MRPS28: variants seen among roughly 807,000 people sequenced by gnomAD.
MRPS28 encodes the protein small ribosomal subunit protein bS1m.
Under a neutral mutation model 10.8 loss-of-function variants are expected in MRPS28, and 7 were observed. That is an observed-to-expected ratio of 0.65 (90% CI 0.37 to 1.22). The LOEUF (loss-of-function observed/expected upper bound fraction) is 1.22, where lower values mean the gene tolerates loss of function less well. Among genes scored for constraint, MRPS28 ranks in the 50% most tolerant of loss-of-function variants. The probability of loss-of-function intolerance (pLI) is 0.02; values close to 1 mark genes in which losing one functional copy is unlikely to be tolerated. For synonymous variants in MRPS28, 121 were observed against 93.3 expected (o/e 1.30, Z -1.71); for missense variants, 265 against 232.9 (o/e 1.14, Z -0.90).
At chr8:79,921,153 C>A (rs1417446439) in intron 2 of MRPS28, among the ~76,000 whole-genome samples, 2 of 151,804 alleles carry the variant, frequency 1.3e-5, no homozygotes, top group African/African-American at 4.9e-5. Context: ...GTCTATATCT[C>A]TGTTTTGGTA....
chr8:79,925,003 T>C (rs779187815), intron 2 of MRPS28, among the ~76,000 whole-genome samples: 4 of 152,166 alleles, frequency 2.6e-5, no homozygotes, highest in Non-Finnish European at 5.9e-5. Flanking sequence ...TGTTCATCAC[T>C]GTACTATCTG....
chr8:79,981,985 C>A (rs1458802650), intron 2 of MRPS28, among the ~76,000 whole-genome samples: 6 of 152,092 alleles, frequency 3.9e-5, no homozygotes, highest in Non-Finnish European at 8.8e-5. Context: ...GTGGCTCATG[C>A]CTGTAATCCC....
At position 79,942,820 on chromosome 8, in the gene MRPS28, A is replaced by G. The variant is rs961474656; in HGVS notation, c.396-23672T>C. Among the ~76,000 whole-genome samples the G allele has an allele frequency of 2.6e-5, 4 of 152,346 alleles. No individual in the cohort carries two copies. The South Asian group carries it at 8.3e-4, about 32-fold the overall frequency. ...TAACAGGCTATTACAGCTACAGCTA[A>G]GATAAGAAAAAAATACATGTTGTCT... On this transcript the variant is annotated intron_variant, in intron 2 of 2. Transcript: ENST00000276585.
At chr8:79,919,799 CTTTA>C (rs1810023710) in intron 2 of MRPS28, among the ~76,000 whole-genome samples, 2 of 152,118 alleles carry the variant, frequency 1.3e-5, no homozygotes, top group African/African-American at 2.4e-5. Context: ...AAAATTAAAA[CTTTA>C]TTTTTTTATT....
At chr8:80,020,505 G>A (rs1180541203) in intron 1 of MRPS28, among the ~76,000 whole-genome samples, 1 of 152,190 alleles carries the variant, frequency 6.6e-6, no homozygotes, top group Non-Finnish European at 1.5e-5. Flanking sequence ...GAGAAAAGCT[G>A]TGAGCCAGAT....
chr8:79,935,590 A>G (rs573525959), intron 2 of MRPS28, among the ~76,000 whole-genome samples: 1 of 152,332 alleles, frequency 6.6e-6, no homozygotes, highest in South Asian at 2.1e-4. Context: ...GTTGACTTTA[A>G]AGATGAAGAC....
At chr8:79,919,945 C>CCCCCA (rs1332250433) in intron 2 of MRPS28, among the ~76,000 whole-genome samples, 1 of 116,530 alleles carries the variant, frequency 8.6e-6, no homozygotes, top group Non-Finnish European at 1.7e-5. Context: ...TATCCCTCCC[C>CCCCCA]CCACCCCATA....
intron 2 of MRPS28, among the ~76,000 whole-genome samples, chr8:79,990,104 T>A (rs10087841): frequency 3.3e-5 from 5 of 152,058 alleles, no homozygotes; most frequent in African/African-American, 1.2e-4. Flanking sequence ...GAGGTTGCAG[T>A]GAGCTGAGAT....
chr8:79,933,371 A>T (rs142788515), intron 2 of MRPS28, among the ~76,000 whole-genome samples: 2 of 152,232 alleles, frequency 1.3e-5, no homozygotes, highest in Admixed American at 1.3e-4. Flanking sequence ...ATCCCACTGG[A>T]TTAGGGCCTC....
chr8:79,994,203 G>T (rs776787348), intron 2 of MRPS28, among the ~76,000 whole-genome samples: 4 of 152,114 alleles, frequency 2.6e-5, no homozygotes, highest in Non-Finnish European at 5.9e-5. Context: ...GAAATGAAAA[G>T]ATTTGGAGAA....
In MRPS28 at chr8:79,943,020, G is replaced by A. The variant is rs1310976532; in HGVS notation, c.396-23872C>T. Reference sequence around the variant, plus strand: ...ATTGTATTTCACTCCAAGTGGTCAGGATCTAAGATTAAAAGACCACCCCCC... The same window carrying A: ...ATTGTATTTCACTCCAAGTGGTCAGAATCTAAGATTAAAAGACCACCCCCC... On this transcript the variant is annotated intron_variant, in intron 2 of 2. Transcript: ENST00000276585. 3.3e-5 allele frequency among the ~76,000 whole-genome samples: 5 copies of A among 152,264 alleles called. No individual in the cohort carries two copies. In the East Asian group the frequency reaches 9.6e-4, roughly 29 times the overall value.
At chr8:80,021,700 A>G (rs1167639258) in intron 1 of MRPS28, among the ~76,000 whole-genome samples, 2 of 152,028 alleles carry the variant, frequency 1.3e-5, no homozygotes, top group Non-Finnish European at 2.9e-5. Context: ...ATAATGTGGG[A>G]TAACTGTCAC....
chr8:80,018,877 C>T (rs534992335), intron 1 of MRPS28, among the ~76,000 whole-genome samples: 31 of 152,264 alleles, frequency 2.0e-4, no homozygotes, highest in South Asian at 1.7e-3. Flanking sequence ...CATTACGTTA[C>T]GTGAAATAAG....
At chr8:79,950,248 T>A (rs891040347) in intron 2 of MRPS28, among the ~76,000 whole-genome samples, 19 of 152,256 alleles carry the variant, frequency 1.2e-4, no homozygotes, top group East Asian at 1.9e-4. Flanking sequence ...GTGGTGGTAA[T>A]CTTTAAGAAG....
intron 2 of MRPS28, among the ~76,000 whole-genome samples, chr8:79,945,419 A>C (rs1247831187): frequency 1.3e-5 from 2 of 152,214 alleles, no homozygotes; most frequent in Non-Finnish European, 2.9e-5. Flanking sequence ...AAAAAAGAAG[A>C]TATATTCAAC....
intron 1 of MRPS28, among the ~76,000 whole-genome samples, chr8:80,016,596 C>CA (rs1452942129): frequency 2.0e-5 from 3 of 151,558 alleles, no homozygotes; most frequent in African/African-American, 7.3e-5. Flanking sequence ...GTCAAAAACT[C>CA]AGATCTACAT....
At chr8:79,978,267 GTT>G (rs1338635204) in intron 2 of MRPS28, among the ~76,000 whole-genome samples, 8 of 152,120 alleles carry the variant, frequency 5.3e-5, no homozygotes, top group Non-Finnish European at 1.5e-5. Context: ...TATACTTAAT[GTT>G]TTTTAATTCT....
At chr8:80,028,652 G>GGGGCGGGGGGGGGGGCGGA (rs1809556818) in intron 1 of MRPS28, 1 of 109,290 alleles carries the variant, frequency 9.1e-6, no homozygotes, top group African/African-American at 3.4e-5. Context: ...AGACGGGCGG[G>GGGGCGGGGGGGGGGGCGGA]GGGGGCGGGG....
At chr8:79,952,501 A>T (rs142004043) in intron 2 of MRPS28, among the ~76,000 whole-genome samples, 3 of 152,310 alleles carry the variant, frequency 2.0e-5, no homozygotes, top group African/African-American at 7.2e-5. Context: ...AGAGGTAGCG[A>T]TGTTCTTATA....
Sources: gnomAD v4.1 joint callset for allele counts (sites outside exome capture counted in the v4.1 genomes callset) on GRCh38, gnomAD v4.1.1 for gene constraint, MANE v1.5 for transcripts, NCBI Gene and HGNC (gene_info 2026-07-23, HGNC 2026-07-21) for gene names.